CCDC88A: variants seen among roughly 807,000 people sequenced by gnomAD.
CCDC88A encodes the protein coiled-coil and HOOK domain protein 88A.
A neutral mutation model predicts 234.3 loss-of-function variants in CCDC88A; 54 were observed. The observed-to-expected ratio is 0.23, with a 90% CI of 0.19 to 0.29. The LOEUF (loss-of-function observed/expected upper bound fraction) is 0.29. Ranked by LOEUF, CCDC88A falls within the 10% of genes least tolerant of loss-of-function variation. The probability of loss-of-function intolerance (pLI) is 1.00; values close to 1 mark genes in which losing one functional copy is unlikely to be tolerated. For missense variants in CCDC88A, 1,832 were observed against 2,123.4 expected, an observed-to-expected ratio of 0.86 and a Z score of 2.70; for synonymous variants, 753 against 737.8, an observed-to-expected ratio of 1.02 and a Z score of -0.33.
chr2:55,301,777 G>C, intron 27 of CCDC88A, 95 bp downstream of exon 27: 1 of 993,612 alleles, frequency 1.0e-6, no homozygotes, highest in East Asian at 2.4e-5. Context: ...AATTATTTCA[G>C]GTTGCTGCTT....
At chr2:55,338,202 C>T (rs948488193) in intron 13 of CCDC88A, among the ~76,000 whole-genome samples, 5 of 152,198 alleles carry the variant, frequency 3.3e-5, no homozygotes, top group African/African-American at 1.2e-4. Context: ...CAAAATAAAA[C>T]TGTTCTAAAT....
intron 7 of CCDC88A, among the ~76,000 whole-genome samples, chr2:55,357,276 T>C (rs969719669): frequency 1.6e-4 from 25 of 152,096 alleles, no homozygotes; most frequent in African/African-American, 5.8e-4. Context: ...CAAAGATAGA[T>C]TCCTTCCTTC....
At chr2:55,407,216 GA>G (rs565079215) in intron 2 of CCDC88A, among the ~76,000 whole-genome samples, 7 of 143,568 alleles carry the variant, frequency 4.9e-5, no homozygotes, top group Non-Finnish European at 6.1e-5. Context: ...CCTGTCTCAA[GA>G]AAAAAAAAAG....
intron 12 of CCDC88A, among the ~76,000 whole-genome samples, chr2:55,341,678 C>T (rs1252406035): frequency 1.3e-5 from 2 of 151,792 alleles, no homozygotes; most frequent in Admixed American, 6.6e-5. Flanking sequence ...CTCTTGACCT[C>T]GTGATCCACC....
intron 5 of CCDC88A, among the ~76,000 whole-genome samples, chr2:55,366,388 A>C (rs959219086): frequency 1.1e-4 from 16 of 151,972 alleles, no homozygotes; most frequent in African/African-American, 3.9e-4. Context: ...TTAGCCAGGC[A>C]TGGTGGCAGG....
chr2:55,316,183 G>T, intron 21 of CCDC88A, 69 bp from the exon 22 acceptor site: 1 of 593,596 alleles, frequency 1.7e-6, no homozygotes, highest in Non-Finnish European at 2.7e-6. Flanking sequence ...TATACAATAT[G>T]AAATGATATA....
At chr2:55,398,992 T>C (rs967907010) in intron 2 of CCDC88A, among the ~76,000 whole-genome samples, 5 of 152,164 alleles carry the variant, frequency 3.3e-5, no homozygotes, top group Non-Finnish European at 7.3e-5. Flanking sequence ...AAATAATACC[T>C]GGCTTTGCAG....
chr2:55,397,499 CTAATTTGGATTATCCAAATGCA>C (rs1275697770), intron 2 of CCDC88A: 2 of 151,764 alleles, frequency 1.3e-5, no homozygotes, highest in Non-Finnish European at 2.9e-5. Context: ...TTGGATTATA[CTAATTTGGATTATCCAAATGCA>C]TAATTTGGAT....
chr2:55,413,881 G>A (rs1475400191), intron 2 of CCDC88A, among the ~76,000 whole-genome samples: 1 of 152,048 alleles, frequency 6.6e-6, no homozygotes, highest in Non-Finnish European at 1.5e-5. Flanking sequence ...GAGCCCGGGA[G>A]GTGAAGGCTG....
intron 2 of CCDC88A, among the ~76,000 whole-genome samples, chr2:55,402,309 T>C (rs1329436663): frequency 6.6e-6 from 1 of 152,236 alleles, no homozygotes; most frequent in Non-Finnish European, 1.5e-5. Context: ...TTTGGCTTAA[T>C]AGAATACAGC....
chr2:55,313,293 C>A (rs2104610616), intron 22 of CCDC88A: 1 of 152,390 alleles, frequency 6.6e-6, no homozygotes, highest in South Asian at 2.1e-4. Flanking sequence ...GTCTCTAACT[C>A]CCAACCTCAG....
chr2:55,365,756 G>A (rs1410293532), intron 5 of CCDC88A, among the ~76,000 whole-genome samples: 1 of 152,058 alleles, frequency 6.6e-6, no homozygotes, highest in Non-Finnish European at 1.5e-5. Context: ...AAATTTCATA[G>A]GCTTTTGAAG....
intron 2 of CCDC88A, among the ~76,000 whole-genome samples, chr2:55,398,584 G>C (rs755434733): frequency 1.3e-5 from 2 of 152,168 alleles, no homozygotes; most frequent in Non-Finnish European, 2.9e-5. Context: ...CTTTAGGTGA[G>C]AGGGACTGCC....
chr2:55,398,798 G>C (rs1490215197), intron 2 of CCDC88A, among the ~76,000 whole-genome samples: 1 of 151,408 alleles, frequency 6.6e-6, no homozygotes, highest in Admixed American at 6.6e-5. Context: ...CCAGGAGTTT[G>C]AGGCTGCAGT....
At chr2:55,365,130 T>C (rs1204645465) in intron 5 of CCDC88A, among the ~76,000 whole-genome samples, 1 of 152,134 alleles carries the variant, frequency 6.6e-6, no homozygotes, top group Non-Finnish European at 1.5e-5. Context: ...CACAGAATTA[T>C]TAGGATAATA....
intron 29 of CCDC88A, among the ~76,000 whole-genome samples, chr2:55,298,787 A>C (rs1348511946): frequency 4.0e-5 from 6 of 148,762 alleles, no homozygotes; most frequent in Admixed American, 2.7e-4. Flanking sequence ...ACGTGGTAGG[A>C]TCGCTTGAGT....
chr2:55,415,540 A>C (rs1225006898), intron 2 of CCDC88A, among the ~76,000 whole-genome samples: 1 of 152,220 alleles, frequency 6.6e-6, no homozygotes, highest in Non-Finnish European at 1.5e-5. Context: ...CAGAACAGGA[A>C]GAGGGGAATC....
intron 2 of CCDC88A, among the ~76,000 whole-genome samples, chr2:55,402,390 A>T (rs1678851470): frequency 6.6e-6 from 1 of 152,178 alleles, no homozygotes; most frequent in Non-Finnish European, 1.5e-5. Context: ...AAGAAATATG[A>T]CCGCACACAA....
intron 29 of CCDC88A, among the ~76,000 whole-genome samples, chr2:55,299,036 C>T (rs1240364264): frequency 6.6e-6 from 1 of 152,092 alleles, no homozygotes; most frequent in African/African-American, 2.4e-5. Context: ...CCTGTCTCCA[C>T]TAAAAATACA....
Sources: gnomAD v4.1 joint callset for allele counts (sites outside exome capture counted in the v4.1 genomes callset) on GRCh38, gnomAD v4.1.1 for gene constraint, MANE v1.5 for transcripts, NCBI Gene and HGNC (gene_info 2026-07-23, HGNC 2026-07-21) for gene names.